Variants in BTAF1 observed in about 807,000 individuals in gnomAD.
BTAF1 encodes the protein TATA-binding protein-associated factor 172.
Under a neutral mutation model 227.1 loss-of-function variants are expected in BTAF1, and 38 were observed. The observed-to-expected ratio is 0.17, with a 90% CI of 0.13 to 0.22. The LOEUF is 0.22. Among genes scored for constraint, BTAF1 ranks in the 10% least tolerant of loss-of-function variants. The probability of loss-of-function intolerance (pLI) is 1.00; values close to 1 mark genes in which losing one functional copy is unlikely to be tolerated. For synonymous variants in BTAF1, 742 were observed against 751.9 expected (o/e 0.99, Z 0.21); for missense variants, 1,598 against 2,204.0 (o/e 0.73, Z 5.51).
At chr10:91,984,439 G>A (rs1848263522) in intron 19 of BTAF1, 35 bp downstream of exon 19, 2 of 1,524,834 alleles carry the variant, frequency 1.3e-6, no homozygotes, top group Non-Finnish European at 1.8e-6. Context: ...ATTAGAGATA[G>A]AACATGAAAT....
chr10:91,968,954 G>A (rs983541434), intron 14 of BTAF1, among the ~76,000 whole-genome samples: 1 of 151,436 alleles, frequency 6.6e-6, no homozygotes, highest in African/African-American at 2.4e-5. Context: ...CTGAACTCGT[G>A]GGCTCAAGTG....
chr10:91,986,925 C>G (rs1235225004), intron 19 of BTAF1, among the ~76,000 whole-genome samples: 3 of 151,962 alleles, frequency 2.0e-5, no homozygotes, highest in African/African-American at 7.3e-5. Flanking sequence ...CATTGAATCC[C>G]TGTTTTCCTG....
chr10:91,988,413 A>C (rs1848548161), intron 19 of BTAF1, among the ~76,000 whole-genome samples: 1 of 152,188 alleles, frequency 6.6e-6, no homozygotes, highest in Non-Finnish European at 1.5e-5. Context: ...AATAAATCTT[A>C]TACATTGTAC....
At chr10:91,960,437 T>C (rs1034202846) in intron 11 of BTAF1, among the ~76,000 whole-genome samples, 1 of 152,220 alleles carries the variant, frequency 6.6e-6, no homozygotes, top group South Asian at 2.1e-4. Context: ...ATGATTTGGT[T>C]TTACTGTTTT....
rs1408933289 is a variant in BTAF1 at position 92,028,878 on chromosome 10, A to G, written c.5495A>G (p.Gln1832Arg). 2 of 1,609,892 alleles carry G rather than the reference A, an allele frequency of 1.2e-6. No homozygotes were observed. The highest frequency in any genetic ancestry group is 1.7e-6 in the Non-Finnish European group (2 of 1,178,378). ...GAAAACCTGAGTGATCTTTGGGATC[A>G]AGAGCAGTATGATTCAGAGTACAGC... Reference protein sequence around the residue: ...ILENLSDLWDQEQYDSEYSLE... With the variant: ...ILENLSDLWDREQYDSEYSLE... The change falls in exon 38 of 38, where the codon CAA (glutamine) becomes CGA (arginine). Residue 1832 changes from glutamine (Q) to arginine (R), a missense_variant. Physicochemically the swap from Gln to Arg is conservative, Grantham distance 43. Around this residue, in one of 10 missense-constraint regions of BTAF1, gnomAD observed 79 missense variants for 97.9 expected, o/e 0.81. Transcript: ENST00000265990.
chr10:91,950,770 A>T (rs1476381089), intron 4 of BTAF1, among the ~76,000 whole-genome samples: 6 of 151,372 alleles, frequency 4.0e-5, no homozygotes, highest in African/African-American at 1.5e-4. Flanking sequence ...GCCCAGTGAG[A>T]GCTTTCGTAG....
chr10:91,957,409 C>G, intron 8 of BTAF1, 116 bp downstream of exon 8: 1 of 725,268 alleles, frequency 1.4e-6, no homozygotes, highest in Non-Finnish European at 2.2e-6. Context: ...TGTCTCAGGA[C>G]TCAGGGCACG....
intron 2 of BTAF1, among the ~76,000 whole-genome samples, chr10:91,938,359 A>C (rs1034015543): frequency 2.6e-5 from 4 of 152,150 alleles, no homozygotes; most frequent in Non-Finnish European, 4.4e-5. Context: ...ACAAAGATTT[A>C]CCCCTAAGTT....
In BTAF1 at chr10:91,966,752, G is replaced by A; in HGVS notation, c.1645G>A (p.Asp549Asn). The change falls in exon 14 of 38, where the codon GAC (aspartate) becomes AAC (asparagine). Residue 549 changes from aspartate to asparagine, a missense_variant. Physicochemically the swap from Asp to Asn is conservative, Grantham distance 23 (BLOSUM62 1). This residue lies in a region of BTAF1 where 318 missense variants were observed against 435.0 expected (regional missense o/e 0.73). Transcript: ENST00000265990. ...TCTGTTTACGTTATTATCAACACAG[G>A]ACCAGGTAAGAACTGATAACTATAG... The part of the protein sequence containing the change: ...ETLFTLLSTQ[D>N]QNSSSWLIPI... 1 of 1,613,640 alleles carries A rather than the reference G, an allele frequency of 6.2e-7. No individual in the cohort carries two copies. The highest frequency in any genetic ancestry group is 8.5e-7 in the Non-Finnish European group (1 of 1,179,774).
At chr10:92,028,078 C>G (rs1479550410) in intron 37 of BTAF1, among the ~76,000 whole-genome samples, 1 of 152,094 alleles carries the variant, frequency 6.6e-6, no homozygotes, top group Non-Finnish European at 1.5e-5. Context: ...AGAATGGAGG[C>G]AGGTTCTTCA....
chr10:91,993,889 A>G, intron 22 of BTAF1, 42 bp downstream of exon 22: 1 of 1,450,578 alleles, frequency 6.9e-7, no homozygotes, highest in East Asian at 2.4e-5. Flanking sequence ...AACAAATTTT[A>G]ATGTCTATTA....
intron 4 of BTAF1, among the ~76,000 whole-genome samples, chr10:91,944,106 G>A (rs11186759): frequency 0.022 from 3,393 of 151,802 alleles, 56 homozygotes; most frequent in Middle Eastern, 0.079. Flanking sequence ...AGCTGCGATC[G>A]TGGCCATTGC....
At chr10:92,008,349 T>G in intron 26 of BTAF1, 74 bp downstream of exon 26, 1 of 1,357,738 alleles carries the variant, frequency 7.4e-7, no homozygotes, top group African/African-American at 1.5e-5. Context: ...GGGGGGGCTT[T>G]TGTTTCTTTT....
chr10:92,018,709 G>T, intron 33 of BTAF1, 74 bp from the exon 34 acceptor site: 1 of 1,286,032 alleles, frequency 7.8e-7, no homozygotes, highest in Non-Finnish European at 1.0e-6. Flanking sequence ...AAATAGCATA[G>T]GGAAAGATAC....
At chr10:92,016,658 T>C (rs924536047) in intron 33 of BTAF1, among the ~76,000 whole-genome samples, 193 bp downstream of exon 33, 5 of 152,110 alleles carry the variant, frequency 3.3e-5, no homozygotes, top group African/African-American at 1.2e-4. Flanking sequence ...GTATTTCTAG[T>C]AGAGATGGAG....
chr10:91,954,777 C>CT (rs1845985910), intron 6 of BTAF1, among the ~76,000 whole-genome samples: 1 of 152,144 alleles, frequency 6.6e-6, no homozygotes, highest in African/African-American at 2.4e-5. Flanking sequence ...AGGCTGGTCT[C>CT]TAACTCCTTG....
At chr10:91,974,738 G>A (rs1215092146) in intron 14 of BTAF1, among the ~76,000 whole-genome samples, 1 of 152,046 alleles carries the variant, frequency 6.6e-6, no homozygotes, top group East Asian at 1.9e-4. Context: ...TGTCATCCCT[G>A]CTATTCGGGA....
chr10:92,020,213 G>A (rs833370), intron 34 of BTAF1, among the ~76,000 whole-genome samples: 48,524 of 151,722 alleles, frequency 0.32, 8,886 homozygotes, highest in South Asian at 0.52. Context: ...TGCTTTCAAG[G>A]TTCTTTGTCT....
intron 25 of BTAF1, among the ~76,000 whole-genome samples, chr10:92,001,969 CATATATAT>C (rs10561233): frequency 0.19 from 20,799 of 109,836 alleles, 2,497 homozygotes; most frequent in Middle Eastern, 0.34. Context: ...AAAAAAAAAC[CATATATAT>C]ATATATATAC....
Sources: gnomAD v4.1 joint callset for allele counts (sites outside exome capture counted in the v4.1 genomes callset) on GRCh38, gnomAD v4.1.1 for gene constraint, gnomAD v4.1.1 regional missense constraint, MANE v1.5 for transcripts, NCBI Gene and HGNC (gene_info 2026-07-23, HGNC 2026-07-21) for gene names.